Variants in PITPNC1 observed in about 807,000 individuals in gnomAD.
The protein encoded by PITPNC1 is cytoplasmic phosphatidylinositol transfer protein 1.
Under a neutral mutation model 44.7 loss-of-function variants are expected in PITPNC1, and 18 were observed. The ratio of observed to expected loss-of-function variants is 0.40; its 90% CI spans 0.28 to 0.60. The LOEUF (loss-of-function observed/expected upper bound fraction) is 0.60, where lower values mean the gene tolerates loss of function less well. Among genes scored for constraint, PITPNC1 ranks in the 20% least tolerant of loss-of-function variants. The probability of loss-of-function intolerance (pLI) is 0.39; values close to 1 mark genes in which losing one functional copy is unlikely to be tolerated. For missense variants in PITPNC1, 290 were observed against 418.4 expected (o/e 0.69, Z 2.68); for synonymous variants, 141 against 149.6 (o/e 0.94, Z 0.42).
At chr17:67,583,909 GTGTT>G (rs1373953051) in intron 5 of PITPNC1, among the ~76,000 whole-genome samples, 2,650 of 139,450 alleles carry the variant, frequency 0.019, 66 homozygotes, top group Admixed American at 0.05. Flanking sequence ...GTGTGTGTGT[GTGTT>G]TGTGTTTAGT....
chr17:67,381,231 G>C (rs560245310), intron 1 of PITPNC1, among the ~76,000 whole-genome samples: 12 of 151,040 alleles, frequency 7.9e-5, no homozygotes, highest in Non-Finnish European at 1.5e-4. Flanking sequence ...GGGACGCTGA[G>C]GCAGTAGAAT....
At chr17:67,582,053 G>T (rs182530859) in intron 5 of PITPNC1, among the ~76,000 whole-genome samples, 1 of 152,212 alleles carries the variant, frequency 6.6e-6, no homozygotes, top group African/African-American at 2.4e-5. Context: ...GAAAAGAAAA[G>T]AAAAGGAGGG....
intron 1 of PITPNC1, among the ~76,000 whole-genome samples, chr17:67,490,690 G>A (rs1393953242): frequency 6.6e-5 from 10 of 152,272 alleles, no homozygotes; most frequent in East Asian, 3.9e-4. Flanking sequence ...CAAAGGATCC[G>A]TAATGAATAA....
chr17:67,635,532 A>G (rs141368134), intron 6 of PITPNC1, among the ~76,000 whole-genome samples: 15 of 152,288 alleles, frequency 9.8e-5, no homozygotes, highest in Middle Eastern at 3.4e-3. Context: ...CTTAGGTGAG[A>G]GATCTGGGAG....
chr17:67,533,502 C>CTT (rs2040491107), intron 2 of PITPNC1, among the ~76,000 whole-genome samples: 4 of 151,932 alleles, frequency 2.6e-5, no homozygotes, highest in African/African-American at 9.7e-5. Context: ...AGAGTGAGGC[C>CTT]CTTGAAAAAA....
intron 1 of PITPNC1, among the ~76,000 whole-genome samples, chr17:67,490,128 G>A (rs923399317): frequency 9.7e-6 from 1 of 102,612 alleles, no homozygotes; most frequent in Non-Finnish European, 1.9e-5. Context: ...GTGTGTGTGT[G>A]TGTGTGTGTG....
chr17:67,563,237 A>G (rs1267204141), intron 4 of PITPNC1, among the ~76,000 whole-genome samples: 1 of 152,198 alleles, frequency 6.6e-6, no homozygotes, highest in Non-Finnish European at 1.5e-5. Context: ...AATCGATGTC[A>G]TCTACAGGGG....
At chr17:67,481,777 T>TGA (rs5821473) in intron 1 of PITPNC1, among the ~76,000 whole-genome samples, 1 of 146,396 alleles carries the variant, frequency 6.8e-6, no homozygotes, top group Non-Finnish European at 1.5e-5. Context: ...TTTGAAGATT[T>TGA]AAAAAAAAAA....
rs1405327755 is a variant in PITPNC1 at position 67,532,676 on chromosome 17, T to C, written c.49-126T>C. ...CCGAGGAAAAGTAACATGAGGCCCA[T>C]GTGGCTGCCTTCTCTTCTCAGCAGA... On this transcript the variant is annotated intron_variant, in intron 1 of 8. Coordinates refer to ENST00000581322, the MANE Select transcript of PITPNC1 (RefSeq NM_012417.4). 7.7e-6 allele frequency: 5 copies of C among 652,588 alleles called. No homozygotes were observed. In the Admixed American group the frequency reaches 8.3e-5, roughly 11 times the overall value. 40.4% of individuals were successfully genotyped at this position (652,588 alleles called of 1,614,324 possible). A position where few individuals can be genotyped will look rare whatever the true frequency, so the allele number is the denominator to read the frequency against.
Position 67,675,549 on chromosome 17 carries a change from C to T in PITPNC1, c.682+7C>T. The T allele has an allele frequency of 8.3e-6, 13 of 1,574,582 alleles. No homozygotes were observed. The highest frequency in any genetic ancestry group is 1.1e-5 in the Non-Finnish European group (13 of 1,144,148). On this transcript the variant is annotated splice_region_variant and intron_variant, in intron 8 of 8. Coordinates refer to ENST00000581322, the MANE Select transcript of PITPNC1 (RefSeq NM_012417.4). ...TGGGTTGATGAGTGGTATGGTAAGT[C>T]AATTTCTCCAAAATAACTTGTAGAA...
chr17:67,468,683 G>A lies in PITPNC1; in HGVS notation c.49-64119G>A, dbSNP rs151076466. Among the ~76,000 whole-genome samples, 120 of 149,970 alleles carry A rather than the reference G, an allele frequency of 8.0e-4. No homozygotes were observed. In the East Asian group the frequency reaches 0.015, roughly 19 times the overall value. On this transcript the variant is annotated intron_variant, in intron 1 of 8. Transcript: ENST00000581322. ...CTCCCAAAGTGCTGGGATTACAGGT[G>A]TGAACCACCGTGCCTGGCCGCTTTT... is the stretch of plus-strand genomic sequence containing the variant.
intron 2 of PITPNC1, among the ~76,000 whole-genome samples, chr17:67,533,220 A>G (rs1267528800): frequency 6.6e-6 from 1 of 152,160 alleles, no homozygotes; most frequent in East Asian, 1.9e-4. Flanking sequence ...TACTCACAGT[A>G]CTGCACTCCA....
At position 67,469,884 on chromosome 17, in the gene PITPNC1, T is replaced by C. The variant is rs552109355; in HGVS notation, c.49-62918T>C. Among the ~76,000 whole-genome samples, 650 of 152,260 alleles carry C rather than the reference T, an allele frequency of 4.3e-3. 7 individuals carry two copies. The highest frequency in any genetic ancestry group is 0.015 in the African/African-American group (631 of 41,558). On this transcript the variant is annotated intron_variant, in intron 1 of 8. Transcript: ENST00000581322. The stretch of plus-strand genomic sequence containing the variant: ...TGAGAGATTTTTTAAAAATCAGCTT[T>C]ACTGTGATATATAATATATATATGT...
chr17:67,633,749 C>T (rs1357907217), intron 6 of PITPNC1, among the ~76,000 whole-genome samples: 10 of 152,276 alleles, frequency 6.6e-5, no homozygotes, highest in Admixed American at 6.5e-4. Context: ...TAATGGGGCT[C>T]TGATGATGCG....
intron 8 of PITPNC1, among the ~76,000 whole-genome samples, chr17:67,685,587 G>A (rs1276056206): frequency 6.6e-6 from 1 of 152,184 alleles, no homozygotes; most frequent in Non-Finnish European, 1.5e-5. Flanking sequence ...TAGTGGTCAG[G>A]GTGGCAGAGG....
intron 7 of PITPNC1, among the ~76,000 whole-genome samples, chr17:67,674,374 C>T (rs1598971293): frequency 6.6e-6 from 1 of 151,612 alleles, no homozygotes; most frequent in Admixed American, 6.6e-5. Context: ...CATGGTGGTG[C>T]GCACCTGTAG....
chr17:67,539,745 G>A (rs943451318), intron 2 of PITPNC1, among the ~76,000 whole-genome samples: 2 of 152,170 alleles, frequency 1.3e-5, no homozygotes, highest in Non-Finnish European at 2.9e-5. Context: ...GGCTGAGGCA[G>A]GAGAATGGCG....
At chr17:67,519,542 C>T (rs147967354) in intron 1 of PITPNC1, among the ~76,000 whole-genome samples, 8 of 152,262 alleles carry the variant, frequency 5.3e-5, no homozygotes, top group African/African-American at 1.7e-4. Context: ...TTTTCCCTGT[C>T]TTCACTGACG....
intron 1 of PITPNC1, among the ~76,000 whole-genome samples, chr17:67,494,808 C>CA (rs1439540153): frequency 6.6e-6 from 1 of 151,840 alleles, no homozygotes; most frequent in East Asian, 2.0e-4. Context: ...ACCATCTCTA[C>CA]AAAAAATACA....
Sources: allele counts gnomAD v4.1 joint callset (sites outside exome capture counted in the v4.1 genomes callset), GRCh38; gene constraint gnomAD v4.1.1; transcripts MANE v1.5; gene names NCBI Gene and HGNC (gene_info 2026-07-23, HGNC 2026-07-21).